PREX1: variants seen among roughly 807,000 people sequenced by gnomAD.
The protein encoded by PREX1 is phosphatidylinositol-3,4,5-trisphosphate dependent Rac exchange factor 1.
In PREX1, 41 loss-of-function variants were observed where a neutral mutation model predicts 198.3. The observed-to-expected ratio is 0.21, with a 90% confidence interval of 0.16 to 0.27. The LOEUF (loss-of-function observed/expected upper bound fraction) is 0.27, where lower values mean the gene tolerates loss of function less well. PREX1 is among the 10% of genes least tolerant of loss of function. The pLI is 1.00. For synonymous variants in PREX1, 843 were observed against 887.2 expected, an observed-to-expected ratio of 0.95 and a Z score of 0.89; for missense variants, 1,620 against 2,200.7, an observed-to-expected ratio of 0.74 and a Z score of 5.28.
At chr20:48,682,795 G>C (rs146645037) in intron 10 of PREX1, among the ~76,000 whole-genome samples, 1 of 152,316 alleles carries the variant, frequency 6.6e-6, no homozygotes, top group African/African-American at 2.4e-5. Context: ...CCTGGAATGG[G>C]GCTGTTTCCG....
intron 19 of PREX1, among the ~76,000 whole-genome samples, chr20:48,654,329 A>G (rs1323326858): frequency 6.6e-6 from 1 of 152,238 alleles, no homozygotes; most frequent in African/African-American, 2.4e-5. Context: ...GTCTTTGCCT[A>G]TGAACACCTA....
At chr20:48,634,305 T>G (rs1015332516) in intron 33 of PREX1, among the ~76,000 whole-genome samples, 3 of 150,872 alleles carry the variant, frequency 2.0e-5, no homozygotes, top group Admixed American at 6.6e-5. Context: ...GAAGGAGAGG[T>G]GAGGACACGA....
At chr20:48,779,784 T>C (rs1386608418) in intron 1 of PREX1, among the ~76,000 whole-genome samples, 1 of 152,172 alleles carries the variant, frequency 6.6e-6, no homozygotes, top group Non-Finnish European at 1.5e-5. Context: ...TTATACGGAA[T>C]GTGTATGTTT....
chr20:48,691,208 G>A lies in PREX1; in HGVS notation c.1037-112C>T, dbSNP rs1358487811. ...ACAGGCAGGGCCCTCGCCTGGATCA[G>A]GATGGGGAGCTGGACTTCCAGCCCT... On this transcript the variant is annotated intron_variant, in intron 8 of 39. Transcript: ENST00000371941. This position sits in a 1 kb window ranked among gnomAD's most constrained non-coding sequence, Gnocchi z 5.0. 8 of 1,371,312 alleles carry A rather than the reference G, an allele frequency of 5.8e-6. No individual in the cohort carries two copies. Among genetic ancestry groups the A allele is most frequent in the Admixed American group, 1.9e-5 (1 of 53,180 alleles). 84.9% of individuals were successfully genotyped at this position (1,371,312 alleles called of 1,614,324 possible).
At chr20:48,763,671 T>C (rs1459701708) in intron 1 of PREX1, among the ~76,000 whole-genome samples, 1 of 152,128 alleles carries the variant, frequency 6.6e-6, no homozygotes, top group African/African-American at 2.4e-5. Flanking sequence ...CAGGAAACAA[T>C]GCACAAAAGT....
At chr20:48,768,601 C>G (rs913521762) in intron 1 of PREX1, among the ~76,000 whole-genome samples, 1 of 152,098 alleles carries the variant, frequency 6.6e-6, no homozygotes, top group African/African-American at 2.4e-5. Flanking sequence ...CGAGACCAGC[C>G]TGGCCAACAC....
rs534737864 is a variant in PREX1 at position 48,657,320 on chromosome 20, G to A, written c.1975-132C>T. On this transcript the variant is annotated intron_variant, in intron 17 of 39. Transcript: ENST00000371941. The stretch of plus-strand genomic sequence containing the variant: ...ATCCAGCAGGACTGGGTGACTGCGT[G>A]CTGTCTGTGGTAAGCAGTTGAGGGG... The A allele has an allele frequency of 5.0e-5, 56 of 1,117,618 alleles. No homozygotes were observed. In the Middle Eastern group the frequency reaches 8.3e-4, roughly 16 times the overall value. 69.2% of individuals were successfully genotyped at this position (1,117,618 alleles called of 1,614,324 possible).
the PREX1 span, among the ~76,000 whole-genome samples, chr20:48,853,965 C>G: frequency 6.6e-6 from 1 of 152,198 alleles, no homozygotes. Flanking sequence ...AATCCACAGC[C>G]TTCTCTCCAT....
chr20:48,834,930 T>A, the PREX1 span, among the ~76,000 whole-genome samples: 1 of 152,152 alleles, frequency 6.6e-6, no homozygotes, highest in South Asian at 2.1e-4. Context: ...GTAATTTTTG[T>A]CTTTTTAGTA....
chr20:48,734,701 G>A, intron 3 of PREX1, 51 bp from the exon 4 acceptor site: 1 of 1,529,462 alleles, frequency 6.5e-7, no homozygotes, highest in Non-Finnish European at 9.1e-7. Flanking sequence ...TAGCAGGCAG[G>A]TGCCCTGACA....
At chr20:48,828,964 C>G (rs1400683752), upstream of PREX1, among the ~76,000 whole-genome samples, 1 of 152,194 alleles carries the variant, frequency 6.6e-6, no homozygotes, top group African/African-American at 2.4e-5. Flanking sequence ...GGTTCAAATC[C>G]TAGCTCCCCA....
chr20:48,723,772 C>T (rs979831233), intron 5 of PREX1, among the ~76,000 whole-genome samples: 1 of 152,198 alleles, frequency 6.6e-6, no homozygotes, highest in African/African-American at 2.4e-5. Flanking sequence ...CCCACCAGAC[C>T]AAACTCTGGC....
intron 13 of PREX1, 78 bp downstream of exon 13, chr20:48,679,282 G>A (rs2089730494): frequency 7.9e-7 from 1 of 1,273,404 alleles, no homozygotes; most frequent in Non-Finnish European, 1.1e-6. Context: ...GGAGCTCAGA[G>A]AGGTTAAGTT....
At chr20:48,844,925 G>A in the PREX1 span, among the ~76,000 whole-genome samples, 22 of 152,216 alleles carry the variant, frequency 1.4e-4, no homozygotes, top group South Asian at 3.3e-3. Context: ...CCAGACCTAC[G>A]TGGGATGTTT....
intron 11 of PREX1, 136 bp downstream of exon 11, chr20:48,681,099 G>C: frequency 1.3e-6 from 1 of 766,150 alleles, no homozygotes; most frequent in Admixed American, 2.2e-5. Flanking sequence ...CCATGTTCCT[G>C]CGGGCCACAC....
chr20:48,778,175 C>G lies in PREX1; in HGVS notation c.220-30295G>C, dbSNP rs1568860826. 2.6e-5 allele frequency among the ~76,000 whole-genome samples: 4 copies of G among 152,304 alleles called. No homozygotes were observed. In the South Asian group the frequency reaches 8.3e-4, roughly 32 times the overall value. On this transcript the variant is annotated intron_variant, in intron 1 of 39. Coordinates refer to ENST00000371941, the MANE Select transcript of PREX1 (RefSeq NM_020820.4). ...AAAAAAAAGTCCTACTTTTAAAACC[C>G]TGTGCTACTTAATTCTAATATGTTC...
intron 19 of PREX1, 31 bp downstream of exon 19, chr20:48,655,259 C>G: frequency 6.6e-7 from 1 of 1,504,222 alleles, no homozygotes; most frequent in African/African-American, 1.4e-5. Context: ...TCTTCTGCAC[C>G]TTTCCCCTCT....
At position 48,702,205 on chromosome 20, in the gene PREX1, CTAA is replaced by C. The variant is rs796205882; in HGVS notation, c.784-1322_784-1320del. ...CCTGGGCGACTGAGCAGGACTCTGT[CTAA>C]AAAAAAAAAAAAAAAAGATAAAGAG... is the stretch of plus-strand genomic sequence containing the variant. On this transcript the variant is annotated intron_variant, in intron 6 of 39. Transcript: ENST00000371941. Among the ~76,000 whole-genome samples the C allele has an allele frequency of 3.5e-3, 306 of 86,882 alleles. 2 individuals carry two copies. The highest frequency in any genetic ancestry group is 0.014 in the African/African-American group (294 of 20,512). The allele number at this position is 86,882 out of a possible 152,430, so 57.0% of individuals were successfully genotyped here. A position where few individuals can be genotyped will look rare whatever the true frequency, so the allele number is the denominator to read the frequency against.
At chr20:48,679,824 T>C (rs536475057) in intron 11 of PREX1, 70 bp from the exon 12 acceptor site, 12 of 1,272,112 alleles carry the variant, frequency 9.4e-6, no homozygotes, top group East Asian at 4.7e-5. Flanking sequence ...CCCCCCAGCA[T>C]TGGCCTTCAC....
Sources: allele counts gnomAD v4.1 joint callset (sites outside exome capture counted in the v4.1 genomes callset), GRCh38; gene constraint gnomAD v4.1.1; non-coding constraint Gnocchi (gnomAD v3.1); transcripts MANE v1.5; gene names NCBI Gene and HGNC (gene_info 2026-07-23, HGNC 2026-07-21).